The following SLC36A1 variants were observed in gnomAD, a reference collection of about 807,000 sequenced individuals.
SLC36A1 encodes solute carrier family 36 member 1, also known as proton-coupled amino acid transporter 1.
A neutral mutation model predicts 47.5 loss-of-function variants in SLC36A1; 30 were observed. The ratio of observed to expected loss-of-function variants is 0.63; its 90% CI spans 0.47 to 0.86. The LOEUF is 0.86. SLC36A1 is among the 40% of genes least tolerant of loss of function. The pLI is 0.00. For missense variants in SLC36A1, 517 were observed against 606.0 expected (o/e 0.85, Z 1.54); for synonymous variants, 255 against 249.7 (o/e 1.02, Z -0.20).
intron 4 of SLC36A1, 25 bp from the exon 5 acceptor site, chr5:151,465,049 T>A (rs1756137132): frequency 1.3e-6 from 2 of 1,575,548 alleles, no homozygotes; most frequent in South Asian, 2.2e-5. Flanking sequence ...TGCTCTGTCC[T>A]TCCTCTTCCC....
chr5:151,555,334 G>A, the SLC36A1 span, among the ~76,000 whole-genome samples: 1 of 151,316 alleles, frequency 6.6e-6, no homozygotes, highest in Non-Finnish European at 1.5e-5. Flanking sequence ...ATTCTAGAAG[G>A]CCATTTAGCT....
chr5:151,476,700 C>T lies in SLC36A1; in HGVS notation c.933C>T (p.Tyr311=), dbSNP rs371314405. Reference sequence around the variant, plus strand: ...ACATCAGCCTGGGGTGTCTGGGGTACCTGCAATTTGGAGCTAATATCCAAG... The same window carrying T: ...ACATCAGCCTGGGGTGTCTGGGGTATCTGCAATTTGGAGCTAATATCCAAG... ...ILYISLGCLG[Y]LQFGANIQGS... is the part of the protein sequence containing the mutation. Residue 311 remains tyrosine, a synonymous_variant, in exon 9 of 11, where the codon TAC becomes TAT. Coordinates refer to ENST00000243389, the MANE Select transcript of SLC36A1 (RefSeq NM_078483.4). 2.9e-5 allele frequency: 47 copies of T among 1,613,454 alleles called. No homozygotes were observed. Among genetic ancestry groups the T allele is most frequent in the African/African-American group, 6.7e-5 (5 of 74,896 alleles).
intron 1 of SLC36A1, among the ~76,000 whole-genome samples, chr5:151,454,311 T>C (rs1754132274): frequency 6.6e-6 from 1 of 152,060 alleles, no homozygotes; most frequent in Admixed American, 6.5e-5. Context: ...AACTGGCAAT[T>C]GCAGCAATAG....
chr5:151,427,718 T>G, the SLC36A1 span, among the ~76,000 whole-genome samples: 1 of 152,118 alleles, frequency 6.6e-6, no homozygotes, highest in African/African-American at 2.4e-5. Flanking sequence ...TGCGTTCCAG[T>G]GGGGACCCCT....
chr5:151,507,393 A>T, the SLC36A1 span: 3 of 1,614,190 alleles, frequency 1.9e-6, no homozygotes, highest in Non-Finnish European at 2.5e-6. Flanking sequence ...TTGGGTGTCA[A>T]CACCAACACT....
At chr5:151,454,593 G>A (rs1344208416) in intron 1 of SLC36A1, among the ~76,000 whole-genome samples, 2 of 151,670 alleles carry the variant, frequency 1.3e-5, no homozygotes, top group African/African-American at 4.8e-5. Flanking sequence ...ATCTGTCTTT[G>A]ATAGAAAGTT....
chr5:151,541,386 G>T, the SLC36A1 span, among the ~76,000 whole-genome samples: 5 of 152,208 alleles, frequency 3.3e-5, no homozygotes, highest in Non-Finnish European at 5.9e-5. Flanking sequence ...TAAGACTTCT[G>T]TGTTTTTAGG....
the SLC36A1 span, among the ~76,000 whole-genome samples, chr5:151,350,898 A>G: frequency 5.0e-4 from 76 of 152,192 alleles, no homozygotes; most frequent in Non-Finnish European, 9.4e-4. Context: ...GGGTTTTGCC[A>G]TGTTGCCCAG....
At chr5:151,465,786 G>A (rs1308413506) in intron 5 of SLC36A1, among the ~76,000 whole-genome samples, 3 of 152,172 alleles carry the variant, frequency 2.0e-5, no homozygotes, top group Non-Finnish European at 4.4e-5. Context: ...TTCAGGAGAA[G>A]GTGAGATAAA....
the SLC36A1 span, among the ~76,000 whole-genome samples, chr5:151,500,822 G>T: frequency 6.6e-6 from 1 of 152,256 alleles, no homozygotes; most frequent in Non-Finnish European, 1.5e-5. Flanking sequence ...CTGAGCCCCA[G>T]TGGTTTAGGA....
chr5:151,473,421 A>G (rs1757600723), intron 7 of SLC36A1, among the ~76,000 whole-genome samples: 1 of 152,112 alleles, frequency 6.6e-6, no homozygotes, highest in Non-Finnish European at 1.5e-5. Flanking sequence ...TTTTTATGCA[A>G]GCCCCAACAT....
intron 7 of SLC36A1, among the ~76,000 whole-genome samples, chr5:151,473,428 A>C (rs1757602491): frequency 1.3e-5 from 2 of 152,148 alleles, no homozygotes; most frequent in Non-Finnish European, 2.9e-5. Context: ...GCAAGCCCCA[A>C]CATTTGAGTT....
At chr5:151,394,927 G>A in the SLC36A1 span, among the ~76,000 whole-genome samples, 79 of 152,322 alleles carry the variant, frequency 5.2e-4, no homozygotes, top group Non-Finnish European at 8.4e-4. Context: ...TCTCTTCAAA[G>A]CTGTCAGACA....
the SLC36A1 span, chr5:151,366,408 A>G: frequency 5.4e-6 from 1 of 185,374 alleles, no homozygotes. Context: ...GTGCCAGTGG[A>G]GTTTGGAAAG....
At chr5:151,554,088 T>G in the SLC36A1 span, among the ~76,000 whole-genome samples, 1 of 152,280 alleles carries the variant, frequency 6.6e-6, no homozygotes, top group South Asian at 2.1e-4. Flanking sequence ...AACCCAGGCT[T>G]ATTGGTTCCA....
the SLC36A1 span, chr5:151,554,328 C>T: frequency 3.8e-6 from 6 of 1,585,630 alleles, no homozygotes; most frequent in Non-Finnish European, 5.2e-6. Flanking sequence ...CAGCATGCCA[C>T]TCCTCCCTCC....
chr5:151,361,353 T>C, the SLC36A1 span, among the ~76,000 whole-genome samples: 2 of 152,354 alleles, frequency 1.3e-5, no homozygotes, highest in South Asian at 2.1e-4. Flanking sequence ...GTATTCTTTA[T>C]TGAGCTGAAC....
At chr5:151,431,753 T>C in the SLC36A1 span, among the ~76,000 whole-genome samples, 7 of 152,226 alleles carry the variant, frequency 4.6e-5, no homozygotes, top group Admixed American at 2.6e-4. Context: ...CACGTGGAAC[T>C]GTAAGTCCAT....
the SLC36A1 span, among the ~76,000 whole-genome samples, chr5:151,379,552 C>T: frequency 1.3e-5 from 2 of 152,142 alleles, no homozygotes; most frequent in Non-Finnish European, 2.9e-5. Flanking sequence ...AGTCTGGTCT[C>T]GAACTCCTGA....
Sources: gnomAD v4.1 joint callset for allele counts (sites outside exome capture counted in the v4.1 genomes callset) on GRCh38, gnomAD v4.1.1 for gene constraint, MANE v1.5 for transcripts, NCBI Gene and HGNC (gene_info 2026-07-23, HGNC 2026-07-21) for gene names.